The following RORA variants were observed in gnomAD, a reference collection of about 807,000 sequenced individuals.
The protein encoded by RORA is nuclear receptor ROR-alpha.
In RORA, 7 loss-of-function variants were observed where a neutral mutation model predicts 69.5. The ratio of observed to expected loss-of-function variants is 0.10; its 90% CI spans 0.06 to 0.19. The LOEUF (loss-of-function observed/expected upper bound fraction) is 0.19. RORA is among the 10% of genes least tolerant of loss of function. RORA has a pLI of 1.00. For synonymous variants in RORA, 261 were observed against 240.8 expected (o/e 1.08, Z -0.78); for missense variants, 457 against 663.0 (o/e 0.69, Z 3.41).
At chr15:61,215,987 A>G (rs17237810) in intron 1 of RORA, among the ~76,000 whole-genome samples, 5,576 of 152,300 alleles carry the variant, frequency 0.037, 330 homozygotes, top group East Asian at 0.28. Flanking sequence ...AAAACAACCT[A>G]ATCACAATGC....
chr15:60,624,251 C>T (rs1213839740), intron 2 of RORA, among the ~76,000 whole-genome samples: 1 of 151,348 alleles, frequency 6.6e-6, no homozygotes, highest in Non-Finnish European at 1.5e-5. Context: ...CTCTTCTTCC[C>T]TTCCTGTCTT....
chr15:60,798,908 G>T (rs1242359036), intron 1 of RORA, among the ~76,000 whole-genome samples: 10 of 151,570 alleles, frequency 6.6e-5, no homozygotes, highest in Non-Finnish European at 1.0e-4. Context: ...AGCTAACAAA[G>T]GCATCTAGTT....
Position 60,572,624 on chromosome 15 carries a change from A to T in RORA, c.197-40773T>A, listed in dbSNP as rs770215289. Among the ~76,000 whole-genome samples the T allele has an allele frequency of 7.9e-5, 12 of 152,274 alleles. No homozygotes were observed. The South Asian group carries it at 8.3e-4, about 11-fold the overall frequency. ...AGAAGCGCTTATTGATGGGCCAACC[A>T]CCTGAAATGTATTACCTCATTTAAC... is the stretch of plus-strand genomic sequence containing the variant. On this transcript the variant is annotated intron_variant, in intron 2 of 10. Transcript: ENST00000335670.
At chr15:60,804,076 G>A (rs2072624017) in intron 1 of RORA, among the ~76,000 whole-genome samples, 1 of 152,046 alleles carries the variant, frequency 6.6e-6, no homozygotes, top group African/African-American at 2.4e-5. Flanking sequence ...ATCACCTGAG[G>A]TCGGGAGTTC....
At chr15:61,136,339 G>A (rs2079240027) in intron 1 of RORA, among the ~76,000 whole-genome samples, 1 of 152,174 alleles carries the variant, frequency 6.6e-6, no homozygotes, top group African/African-American at 2.4e-5. Context: ...CTGTTATCCA[G>A]TTGTTACGTG....
intron 2 of RORA, among the ~76,000 whole-genome samples, chr15:60,572,403 G>A (rs1464273687): frequency 2.0e-5 from 3 of 152,042 alleles, no homozygotes; most frequent in Non-Finnish European, 4.4e-5. Flanking sequence ...AATGCTCTGG[G>A]CATAGTGAAC....
At chr15:60,664,338 C>T (rs1473093443) in intron 2 of RORA, among the ~76,000 whole-genome samples, 2 of 152,120 alleles carry the variant, frequency 1.3e-5, no homozygotes, top group African/African-American at 4.8e-5. Flanking sequence ...AAACCATAGG[C>T]CTTCTAGGAC....
intron 2 of RORA, among the ~76,000 whole-genome samples, chr15:60,546,743 CAG>C (rs918206766): frequency 2.3e-4 from 35 of 152,288 alleles, no homozygotes; most frequent in African/African-American, 6.0e-4. Flanking sequence ...AGCCTGGAAA[CAG>C]GGAATTCTGT....
Position 60,917,158 on chromosome 15 carries a change from G to A in RORA, c.167-238472C>T, listed in dbSNP as rs185795896. ...GCTCTTCAGCCTTGGGCACCTACCC[G>A]CCTCCCCAAACAGATGTAATTTAGG... On this transcript the variant is annotated intron_variant, in intron 1 of 10. Transcript: ENST00000335670. Among the ~76,000 whole-genome samples, 6 of 152,242 alleles carry A rather than the reference G, an allele frequency of 3.9e-5. No individual in the cohort carries two copies. In the East Asian group the frequency reaches 9.7e-4, roughly 24 times the overall value.
chr15:60,800,266 C>T (rs1242379126), intron 1 of RORA, among the ~76,000 whole-genome samples: 14 of 152,170 alleles, frequency 9.2e-5, no homozygotes, highest in South Asian at 2.1e-4. Context: ...AAGAATGACA[C>T]GCTGTTCCAC....
Position 60,491,530 on chromosome 15 carries a change from T to C in RORA, c.*5925A>G, listed in dbSNP as rs2065040967. 1 of 152,008 alleles carries C rather than the reference T, an allele frequency of 6.6e-6. No homozygotes were observed. The highest frequency in any genetic ancestry group is 1.5e-5 in the Non-Finnish European group (1 of 67,972). 9.4% of individuals were successfully genotyped at this position (152,008 alleles called of 1,614,324 possible). Reference sequence around the variant, plus strand: ...TGACAAAAGGTTGTTTCTATTTGGATTGAATATTCTGTCATTCATTTATAA... The same window carrying C: ...TGACAAAAGGTTGTTTCTATTTGGACTGAATATTCTGTCATTCATTTATAA... On this transcript the variant is annotated 3_prime_UTR_variant, in exon 11 of 11. Transcript: ENST00000335670.
Position 61,179,279 on chromosome 15 carries a change from A to G in RORA, c.166+49774T>C, listed in dbSNP as rs187406134. On this transcript the variant is annotated intron_variant, in intron 1 of 10. Coordinates refer to ENST00000335670, the MANE Select transcript of RORA (RefSeq NM_134261.3). ...CAATTTTCATAATACTTTGACAAAT[A>G]GTAGAGTTTTCCAGGGGTTACATGA... Among the ~76,000 whole-genome samples the G allele has an allele frequency of 1.6e-3, 244 of 152,358 alleles. 1 individual carries two copies. The highest frequency in any genetic ancestry group is 5.6e-3 in the African/African-American group (234 of 41,580).
chr15:61,058,260 G>A (rs965089846), intron 1 of RORA, among the ~76,000 whole-genome samples: 15 of 152,228 alleles, frequency 9.9e-5, no homozygotes, highest in East Asian at 1.9e-4. Flanking sequence ...GCAGGGTGTC[G>A]CCAGGCAGAA....
chr15:60,826,429 C>G (rs923072812), intron 1 of RORA, among the ~76,000 whole-genome samples: 1 of 152,188 alleles, frequency 6.6e-6, no homozygotes, highest in African/African-American at 2.4e-5. Context: ...TGGCTGCTGA[C>G]TTCCCTTAGC....
chr15:60,596,339 A>G lies in RORA; in HGVS notation c.197-64488T>C, dbSNP rs2068665484. On this transcript the variant is annotated intron_variant, in intron 2 of 10. Transcript: ENST00000335670. The stretch of plus-strand genomic sequence containing the variant: ...CAGTGTGCGTCTGCTTGCTAATTCA[A>G]TTAATTTTGTTATAGCTGAACAAGA... Among the ~76,000 whole-genome samples the G allele has an allele frequency of 2.6e-5, 4 of 151,994 alleles. No individual in the cohort carries two copies. In the South Asian group the frequency reaches 8.3e-4, roughly 32 times the overall value.
intron 2 of RORA, among the ~76,000 whole-genome samples, chr15:60,551,180 A>G (rs2067218074): frequency 6.6e-6 from 1 of 152,152 alleles, no homozygotes; most frequent in Non-Finnish European, 1.5e-5. Context: ...TATTTTCAGC[A>G]TTTGAAAATT....
Position 60,972,755 on chromosome 15 carries a change from T to C in RORA, c.166+256298A>G, listed in dbSNP as rs146761855. ...TATCAAATGGAAATAATAATATTAC[T>C]TACTACATAGGGATTTTGAGAAGTT... On this transcript the variant is annotated intron_variant, in intron 1 of 10. Coordinates refer to ENST00000335670, the MANE Select transcript of RORA (RefSeq NM_134261.3). 2.0e-5 allele frequency among the ~76,000 whole-genome samples: 3 copies of C among 152,338 alleles called. No homozygotes were observed. The East Asian group carries it at 5.8e-4, about 29-fold the overall frequency.
chr15:60,647,710 C>T (rs1211016023), intron 2 of RORA, among the ~76,000 whole-genome samples: 1 of 152,162 alleles, frequency 6.6e-6, no homozygotes, highest in Non-Finnish European at 1.5e-5. Context: ...AGCCCAGCAC[C>T]TTATACTCAG....
intron 1 of RORA, among the ~76,000 whole-genome samples, chr15:60,993,649 A>C (rs1887112014): frequency 6.6e-6 from 1 of 150,574 alleles, no homozygotes; most frequent in South Asian, 2.1e-4. Context: ...CATCTCAAAA[A>C]AAAAAAAAAA....
Sources: allele counts gnomAD v4.1 joint callset (sites outside exome capture counted in the v4.1 genomes callset), GRCh38; gene constraint gnomAD v4.1.1; transcripts MANE v1.5; gene names NCBI Gene and HGNC (gene_info 2026-07-23, HGNC 2026-07-21).